The following CCL28 variants were observed in gnomAD, a reference collection of about 807,000 sequenced individuals.
CCL28 encodes the protein C-C motif chemokine ligand 28.
In CCL28, 4 loss-of-function variants were observed where a neutral mutation model predicts 7.1. That is an observed-to-expected ratio of 0.56 (90% CI 0.28 to 1.29). The LOEUF (loss-of-function observed/expected upper bound fraction) is 1.29. Among genes scored for constraint, CCL28 ranks in the 50% most tolerant of loss-of-function variants. The pLI is 0.11. For missense variants in CCL28, 151 were observed against 163.4 expected, an observed-to-expected ratio of 0.92 and a Z score of 0.41; for synonymous variants, 55 against 57.8, an observed-to-expected ratio of 0.95 and a Z score of 0.22.
chr5:43,384,216 C>T (rs943844409), intron 2 of CCL28, among the ~76,000 whole-genome samples: 6 of 152,054 alleles, frequency 3.9e-5, no homozygotes, highest in East Asian at 1.9e-4. Context: ...GCATTGGCAC[C>T]GGGGCTGAAG....
intron 1 of CCL28, among the ~76,000 whole-genome samples, chr5:43,410,220 C>A (rs1439798192): frequency 6.6e-6 from 1 of 152,222 alleles, no homozygotes; most frequent in African/African-American, 2.4e-5. Flanking sequence ...TTTTCCACCC[C>A]CTCCCTGGAG....
chr5:43,369,589 C>T, the CCL28 span, among the ~76,000 whole-genome samples: 1 of 152,092 alleles, frequency 6.6e-6, no homozygotes, highest in East Asian at 1.9e-4. Context: ...CACACCCTGG[C>T]TAATTTTTGT....
At chr5:43,403,406 G>C (rs1250061671) in intron 1 of CCL28, among the ~76,000 whole-genome samples, 1 of 152,174 alleles carries the variant, frequency 6.6e-6, no homozygotes, top group African/African-American at 2.4e-5. Context: ...ACAGGGTCTG[G>C]AGTGGACCTC....
At chr5:43,373,086 C>G (rs1739821424), downstream of CCL28, among the ~76,000 whole-genome samples, 1 of 152,142 alleles carries the variant, frequency 6.6e-6, no homozygotes, top group Non-Finnish European at 1.5e-5. Context: ...CAGGCGTGAG[C>G]TACCATGCCC....
chr5:43,376,778 G>C (rs1384903413), downstream of CCL28: 1 of 152,204 alleles, frequency 6.6e-6, no homozygotes, highest in Non-Finnish European at 1.5e-5. Context: ...GATTGGTCAG[G>C]GTAAGGGAGA....
At chr5:43,406,191 C>A (rs1234951133) in intron 1 of CCL28, among the ~76,000 whole-genome samples, 2 of 151,826 alleles carry the variant, frequency 1.3e-5, no homozygotes, top group Non-Finnish European at 2.9e-5. Flanking sequence ...AGAGACACAA[C>A]AAAAAAAGAG....
At chr5:43,382,972 C>G (rs1740183619) in intron 2 of CCL28, among the ~76,000 whole-genome samples, 1 of 151,976 alleles carries the variant, frequency 6.6e-6, no homozygotes. Context: ...GTGTGCACCA[C>G]CACACCTGGC....
Position 43,382,051 on chromosome 5 carries a change from G to A in CCL28, c.193C>T (p.Leu65Phe). The A allele has an allele frequency of 1.2e-6, 2 of 1,601,772 alleles. No homozygotes were observed. Among genetic ancestry groups the A allele is most frequent in the Non-Finnish European group, 1.7e-6 (2 of 1,173,534 alleles). The change falls in exon 3 of 3, where the codon CTT becomes TTT. Residue 65 changes from leucine to phenylalanine, a missense_variant and splice_region_variant. Leu to Phe is a conservative substitution (Grantham distance 22, BLOSUM62 0). Transcript: ENST00000361115. ...CAGATTCTTCTGCGCTTGACATGAA[G>A]GCTGTTAGAAAAGGAAGCAAAAGAA... Reference protein sequence around the residue: ...DGDCDLAAVILHVKRRRICVS... With the variant: ...DGDCDLAAVIFHVKRRRICVS...
At chr5:43,406,747 T>C (rs1741298522) in intron 1 of CCL28, among the ~76,000 whole-genome samples, 1 of 152,172 alleles carries the variant, frequency 6.6e-6, no homozygotes, top group Non-Finnish European at 1.5e-5. Flanking sequence ...GAAAACCCCA[T>C]TGTCTCAGCC....
At position 43,380,025 on chromosome 5, in the gene CCL28, G is replaced by C. The variant is rs571603138; in HGVS notation, c.*1835C>G. ...AATATCAGTTACTTGGGAGGCTGAG[G>C]CAAGAGAATCACTTGAACGCGGGAG... On this transcript the variant is annotated 3_prime_UTR_variant, in exon 3 of 3. Coordinates refer to ENST00000361115, the MANE Select transcript of CCL28 (RefSeq NM_148672.3). The C allele has an allele frequency of 6.6e-6, 1 of 152,282 alleles. No homozygotes were observed. Among genetic ancestry groups the C allele is most frequent in the African/African-American group, 2.4e-5 (1 of 41,538 alleles). The allele number at this position is 152,282 out of a possible 1,614,324, so 9.4% of individuals were successfully genotyped here.
chr5:43,394,930 C>A (rs1234625713), intron 1 of CCL28, among the ~76,000 whole-genome samples: 1 of 151,282 alleles, frequency 6.6e-6, no homozygotes, highest in Non-Finnish European at 1.5e-5. Flanking sequence ...ATAAGATATG[C>A]TATTTATTAA....
chr5:43,405,125 G>A (rs1006770183), intron 1 of CCL28, among the ~76,000 whole-genome samples: 2 of 152,144 alleles, frequency 1.3e-5, no homozygotes, highest in Non-Finnish European at 2.9e-5. Flanking sequence ...AAGATATCCA[G>A]GAATTGAACA....
chr5:43,391,784 A>G (rs966730175), intron 1 of CCL28, among the ~76,000 whole-genome samples: 3 of 152,242 alleles, frequency 2.0e-5, no homozygotes, highest in Non-Finnish European at 2.9e-5. Flanking sequence ...TAATCTACAC[A>G]GCAACTATAT....
chr5:43,398,279 A>G (rs1250325026), intron 1 of CCL28, among the ~76,000 whole-genome samples: 1 of 152,120 alleles, frequency 6.6e-6, no homozygotes. Flanking sequence ...GCTGGAGTGC[A>G]GTAGTACAAA....
At chr5:43,400,959 T>A (rs570230683) in intron 1 of CCL28, among the ~76,000 whole-genome samples, 3 of 151,854 alleles carry the variant, frequency 2.0e-5, no homozygotes, top group African/African-American at 7.2e-5. Context: ...GGCAGGTGCT[T>A]GTAATCCCAG....
At chr5:43,387,757 C>T (rs1740400606) in intron 2 of CCL28, among the ~76,000 whole-genome samples, 1 of 152,162 alleles carries the variant, frequency 6.6e-6, no homozygotes, top group South Asian at 2.1e-4. Context: ...TCCCAAGTAG[C>T]TGGGACTACA....
At chr5:43,361,606 G>A in the CCL28 span, among the ~76,000 whole-genome samples, 1 of 152,166 alleles carries the variant, frequency 6.6e-6, no homozygotes, top group East Asian at 1.9e-4. Flanking sequence ...TGTCTTCCAT[G>A]GTTTTTATAG....
chr5:43,373,548 C>T (rs1739830081), downstream of CCL28, among the ~76,000 whole-genome samples: 3 of 152,212 alleles, frequency 2.0e-5, no homozygotes, highest in South Asian at 6.2e-4. Flanking sequence ...GATCCACCTG[C>T]CTCGGCCTCC....
At chr5:43,373,535 G>C (rs567718706), downstream of CCL28, among the ~76,000 whole-genome samples, 15 of 152,206 alleles carry the variant, frequency 9.9e-5, no homozygotes, top group African/African-American at 3.6e-4. Context: ...CCCAACCTCA[G>C]ATGATCCACC....
Sources: allele counts gnomAD v4.1 joint callset (sites outside exome capture counted in the v4.1 genomes callset), GRCh38; gene constraint gnomAD v4.1.1; transcripts MANE v1.5; gene names NCBI Gene and HGNC (gene_info 2026-07-23, HGNC 2026-07-21).